Variants in ZNF484 observed in about 807,000 individuals in gnomAD.
ZNF484 encodes KRAB box containing C2H2 type zinc finger bA526D8.4.
ZNF484 carries 11 observed loss-of-function variants against 12.9 expected under a neutral mutation model. That is an observed-to-expected ratio of 0.85 (90% CI 0.54 to 1.41). The LOEUF is 1.41. Ranked by LOEUF, ZNF484 falls within the 40% of genes most tolerant of loss-of-function variation. The probability of loss-of-function intolerance (pLI) is 0.00; values close to 1 mark genes in which losing one functional copy is unlikely to be tolerated. For synonymous variants in ZNF484, 289 were observed against 334.1 expected, an observed-to-expected ratio of 0.86 and a Z score of 1.47; for missense variants, 807 against 1,007.7, an observed-to-expected ratio of 0.80 and a Z score of 2.70.
rs9697203 is a variant in ZNF484, at chr9:92,863,275, G to C, written c.16-6957C>G. On this transcript the variant is annotated intron_variant, in intron 2 of 4. Transcript: ENST00000375495. Reference sequence around the variant, plus strand: ...TCACTGGGGCCTGTTGGGGAAGGGTGGGGGGTGGGAGAGCATTAGGGAAAA... The same window carrying C: ...TCACTGGGGCCTGTTGGGGAAGGGTCGGGGGTGGGAGAGCATTAGGGAAAA... Among the ~76,000 whole-genome samples the C allele has an allele frequency of 5.2e-5, 6 of 115,646 alleles. 1 individual carries two copies. The highest frequency in any genetic ancestry group is 1.3e-4 in the African/African-American group (4 of 31,004). The allele number at this position is 115,646 out of a possible 152,430, so 75.9% of individuals were successfully genotyped here.
chr9:92,869,122 C>T (rs1187217053), intron 2 of ZNF484, among the ~76,000 whole-genome samples: 1 of 151,894 alleles, frequency 6.6e-6, no homozygotes, highest in Non-Finnish European at 1.5e-5. Context: ...ATAGAGAATG[C>T]TTATAGTGCC....
chr9:92,877,612 C>T (rs755480815), intron 1 of ZNF484, among the ~76,000 whole-genome samples: 45 of 152,096 alleles, frequency 3.0e-4, no homozygotes, highest in Middle Eastern at 3.2e-3. Context: ...TCCTTAGTTC[C>T]CATAGTCATC....
Position 92,848,168 on chromosome 9 carries a change from C to G in ZNF484, c.619G>C (p.Asp207His), listed in dbSNP as rs1855812556. Residue 207 changes from aspartate (D) to histidine (H), a missense_variant, in exon 5 of 5, where the codon GAT (aspartate) becomes CAT (histidine). Transcript: ENST00000375495. The surrounding 1 kb of genome is among the most constrained non-coding windows in gnomAD (Gnocchi z 4.1). ...ATENSDKTIG[D>H]GDIFTHLNSH... Reference sequence around the variant, plus strand: ...TTCAAATGAGTGAAAATATCACCATCTCCAATAGTCTTATCAGAATTTTCT... The same window carrying G: ...TTCAAATGAGTGAAAATATCACCATGTCCAATAGTCTTATCAGAATTTTCT... 1 of 1,613,922 alleles carries G rather than the reference C, an allele frequency of 6.2e-7. No homozygotes were observed. Among genetic ancestry groups the G allele is most frequent in the Admixed American group, 1.7e-5 (1 of 59,978 alleles).
chr9:92,870,748 A>G (rs1286265970), intron 2 of ZNF484, among the ~76,000 whole-genome samples: 1 of 152,214 alleles, frequency 6.6e-6, no homozygotes, highest in Non-Finnish European at 1.5e-5. Context: ...AATATCAGAG[A>G]AGACAGCATG....
At chr9:92,876,881 CTTAA>C (rs1372557386) in intron 1 of ZNF484, among the ~76,000 whole-genome samples, 3 of 152,084 alleles carry the variant, frequency 2.0e-5, no homozygotes, top group African/African-American at 7.2e-5. Flanking sequence ...ACAAGCAAGA[CTTAA>C]TTAAAGAGAA....
chr9:92,874,602 G>A (rs1167344145), intron 2 of ZNF484, among the ~76,000 whole-genome samples: 2 of 152,030 alleles, frequency 1.3e-5, no homozygotes, highest in African/African-American at 2.4e-5. Flanking sequence ...GTGAGCCACC[G>A]CGCCTGGCCT....
chr9:92,876,999 G>A (rs1587778307), intron 1 of ZNF484, among the ~76,000 whole-genome samples: 1 of 152,092 alleles, frequency 6.6e-6, no homozygotes, highest in Non-Finnish European at 1.5e-5. Context: ...GTTAAAAGTT[G>A]AGACTTGATA....
In ZNF484 at chr9:92,847,556, G is replaced by A. The variant is rs1361308891; in HGVS notation, c.1231C>T (p.Pro411Ser). 1.2e-6 allele frequency: 2 copies of A among 1,614,048 alleles called. No homozygotes were observed. Among genetic ancestry groups the A allele is most frequent in the Admixed American group, 1.7e-5 (1 of 60,014 alleles). ...MHQKIHTGEKPYVCTECGKAF... is the reference protein window; with the variant it reads ...MHQKIHTGEKSYVCTECGKAF... ...TTCCCACATTCAGTACATACATAAG[G>A]TTTTTCTCCTGTATGGATTTTCTGA... is the stretch of plus-strand genomic sequence containing the variant. Residue 411 changes from proline to serine, a missense_variant, in exon 5 of 5, where the codon CCT (proline) becomes TCT (serine). Coordinates refer to ENST00000375495, the MANE Select transcript of ZNF484 (RefSeq NM_031486.4).
rs1855824258 is a variant in ZNF484, at chr9:92,848,274, T to G, written c.513A>C (p.Ser171=). 6.2e-7 allele frequency: 1 copy of G among 1,614,216 alleles called. No homozygotes were observed. Among genetic ancestry groups the G allele is most frequent in the African/African-American group, 1.3e-5 (1 of 75,062 alleles). ...AGTTACAGTTATGGGGTCTTTTTCT[T>G]GAGGAAACCAGGTGTGTGTTTACAT... ...IVHVNTHLVS[S]RKRPHNCNSC... is the part of the protein sequence containing the mutation. The change falls in exon 5 of 5, where the codon TCA becomes TCC. Residue 171 remains serine, a synonymous_variant. Coordinates refer to ENST00000375495, the MANE Select transcript of ZNF484 (RefSeq NM_031486.4). The surrounding 1 kb of genome is among the most constrained non-coding windows in gnomAD (Gnocchi z 4.1).
chr9:92,865,199 G>C lies in ZNF484; in HGVS notation c.16-8881C>G, dbSNP rs141464145. ...ACATGCCTGTAATCCCAGTACTTTG[G>C]GAGGCCAAGGCAGGAGGATTGCTTG... On this transcript the variant is annotated intron_variant, in intron 2 of 4. Transcript: ENST00000375495. Among the ~76,000 whole-genome samples the C allele has an allele frequency of 3.8e-3, 578 of 152,312 alleles. 1 individual carries two copies. Among genetic ancestry groups the C allele is most frequent in the African/African-American group, 0.013 (542 of 41,556 alleles).
At chr9:92,860,437 C>A (rs968009526) in intron 2 of ZNF484, among the ~76,000 whole-genome samples, 3 of 151,764 alleles carry the variant, frequency 2.0e-5, no homozygotes, top group African/African-American at 7.3e-5. Flanking sequence ...CCCATCTCTA[C>A]TAAAAAAATA....
At chr9:92,863,459 G>A (rs1461388489) in intron 2 of ZNF484, among the ~76,000 whole-genome samples, 3 of 152,140 alleles carry the variant, frequency 2.0e-5, no homozygotes, top group Admixed American at 6.6e-5. Flanking sequence ...AAACAGCAGG[G>A]AGAATACATT....
chr9:92,865,337 TA>T (rs953890161), intron 2 of ZNF484, among the ~76,000 whole-genome samples: 19 of 151,676 alleles, frequency 1.3e-4, no homozygotes, highest in African/African-American at 4.4e-4. Context: ...CAACTCAGTT[TA>T]AAAAAAAGGG....
intron 4 of ZNF484, 41 bp downstream of exon 4, chr9:92,855,770 C>G (rs746901332): frequency 1.3e-6 from 2 of 1,583,706 alleles, no homozygotes; most frequent in South Asian, 2.2e-5. Context: ...ACAAATGCAG[C>G]TGAGTCATAC....
At chr9:92,849,733 G>C (rs933031194) in intron 4 of ZNF484, among the ~76,000 whole-genome samples, 13 of 152,118 alleles carry the variant, frequency 8.5e-5, no homozygotes, top group Non-Finnish European at 1.8e-4. Flanking sequence ...TGAAGCTGCA[G>C]TGAGCTCTGA....
At position 92,866,185 on chromosome 9, in the gene ZNF484, A is replaced by G. The variant is rs756019861; in HGVS notation, c.15+8830T>C. Among the ~76,000 whole-genome samples the G allele has an allele frequency of 3.9e-5, 6 of 152,174 alleles. No homozygotes were observed. In the East Asian group the frequency reaches 7.7e-4, roughly 20 times the overall value. On this transcript the variant is annotated intron_variant, in intron 2 of 4. Coordinates refer to ENST00000375495, the MANE Select transcript of ZNF484 (RefSeq NM_031486.4). ...AAAAGAAAGAGGGAGATTTTTCACTATGTACTTATTTTCTTACTTTTAAAT... is the reference window on the plus strand; with the variant it reads ...AAAAGAAAGAGGGAGATTTTTCACTGTGTACTTATTTTCTTACTTTTAAAT...
intron 2 of ZNF484, among the ~76,000 whole-genome samples, chr9:92,861,962 G>A (rs1392756793): frequency 2.0e-5 from 3 of 152,132 alleles, no homozygotes; most frequent in Non-Finnish European, 4.4e-5. Context: ...ATTACATGTA[G>A]GGAAAGGGCA....
chr9:92,874,295 G>C (rs983412284), intron 2 of ZNF484, among the ~76,000 whole-genome samples: 17 of 141,556 alleles, frequency 1.2e-4, no homozygotes, highest in Middle Eastern at 3.6e-3. Context: ...GTTAGTGCAC[G>C]TTCTTTCTTT....
At chr9:92,874,319 T>C (rs201456597) in intron 2 of ZNF484, among the ~76,000 whole-genome samples, 13,525 of 151,258 alleles carry the variant, frequency 0.089, 822 homozygotes, top group East Asian at 0.29. Context: ...TCTTTTTTTT[T>C]TTTTTTTTTG....
Sources: gnomAD v4.1 joint callset for allele counts (sites outside exome capture counted in the v4.1 genomes callset) on GRCh38, gnomAD v4.1.1 for gene constraint, Gnocchi (gnomAD v3.1) non-coding constraint, MANE v1.5 for transcripts, NCBI Gene and HGNC (gene_info 2026-07-23, HGNC 2026-07-21) for gene names.